LIMK2: variants seen among roughly 807,000 people sequenced by gnomAD.
The protein encoded by LIMK2 is LIM domain kinase 2.
A neutral mutation model predicts 75.7 loss-of-function variants in LIMK2; 35 were observed. That is an observed-to-expected ratio of 0.46 (90% CI 0.35 to 0.61). The LOEUF (loss-of-function observed/expected upper bound fraction) is 0.61. Ranked by LOEUF, LIMK2 falls within the 20% of genes least tolerant of loss-of-function variation. The pLI is 0.00. For missense variants in LIMK2, 623 were observed against 831.0 expected, an observed-to-expected ratio of 0.75 and a Z score of 3.08; for synonymous variants, 301 against 319.2, an observed-to-expected ratio of 0.94 and a Z score of 0.61.
chr22:31,232,631 G>A (rs181912442), intron 2 of LIMK2, among the ~76,000 whole-genome samples: 1 of 152,208 alleles, frequency 6.6e-6, no homozygotes, highest in African/African-American at 2.4e-5. Context: ...TTATTTTTGA[G>A]ATAGGTCTTG....
chr22:31,269,859 G>A (rs934950468), intron 11 of LIMK2, among the ~76,000 whole-genome samples: 2 of 152,118 alleles, frequency 1.3e-5, no homozygotes, highest in African/African-American at 4.8e-5. Flanking sequence ...TGCATAGGGG[G>A]CTAATGAAAC....
intron 12 of LIMK2, 129 bp downstream of exon 12, chr22:31,271,330 T>G: frequency 1.4e-6 from 1 of 740,518 alleles, no homozygotes. Context: ...TATCTTTCCC[T>G]TCCTGCTTCT....
intron 2 of LIMK2, chr22:31,248,519 G>A (rs745450450): frequency 1.3e-6 from 2 of 1,573,204 alleles, no homozygotes; most frequent in Non-Finnish European, 1.7e-6. Flanking sequence ...AGCCCCTGTG[G>A]GAATCTGCTG....
chr22:31,212,368 G>GT lies in LIMK2; in HGVS notation c.-40dup, dbSNP rs2048353769. 7.5e-7 allele frequency: 1 copy of GT among 1,333,476 alleles called. No homozygotes were observed. The highest frequency in any genetic ancestry group is 1.5e-5 in the African/African-American group (1 of 66,788). 82.6% of individuals were successfully genotyped at this position (1,333,476 alleles called of 1,614,324 possible). ...GTAGGGAACTGAGGGGAGCTGCTGT[G>GT]TCCCCCGCCTCCTCCTCCCCATTTC... On this transcript the variant is annotated 5_prime_UTR_variant, in exon 1 of 16. Transcript: ENST00000331728.
chr22:31,276,796 C>T (rs779186715), intron 15 of LIMK2: 79 of 1,609,234 alleles, frequency 4.9e-5, no homozygotes, highest in Admixed American at 1.3e-4. Flanking sequence ...CAGAGCCCCC[C>T]CCGGGGCCGC....
intron 2 of LIMK2, among the ~76,000 whole-genome samples, chr22:31,245,056 G>A (rs2048656066): frequency 6.6e-6 from 1 of 152,204 alleles, no homozygotes; most frequent in Non-Finnish European, 1.5e-5. Context: ...TACAAGTAGT[G>A]CTGCAAGCAA....
intron 2 of LIMK2, among the ~76,000 whole-genome samples, chr22:31,256,785 A>G (rs1236940338): frequency 1.3e-5 from 2 of 152,160 alleles, no homozygotes; most frequent in Admixed American, 6.5e-5. Context: ...AAACCAAGCA[A>G]TGTTCAAACC....
At chr22:31,214,736 G>A (rs1356832640) in intron 1 of LIMK2, among the ~76,000 whole-genome samples, 2 of 152,174 alleles carry the variant, frequency 1.3e-5, no homozygotes, top group East Asian at 3.8e-4. Flanking sequence ...AGGCCCTAGG[G>A]TAGGAAGGCA....
chr22:31,269,380 G>A (rs375373213), intron 11 of LIMK2, among the ~76,000 whole-genome samples: 3 of 140,118 alleles, frequency 2.1e-5, no homozygotes, highest in Admixed American at 8.1e-5. Flanking sequence ...CTCCTGCCTC[G>A]CCCTCCCAAA....
At chr22:31,244,345 G>T (rs1177782919) in intron 2 of LIMK2, among the ~76,000 whole-genome samples, 1 of 152,234 alleles carries the variant, frequency 6.6e-6, no homozygotes, top group Non-Finnish European at 1.5e-5. Flanking sequence ...GCTAGTCCCA[G>T]ACTTAATTTG....
At chr22:31,213,631 G>C (rs573887332) in intron 1 of LIMK2, among the ~76,000 whole-genome samples, 1 of 152,114 alleles carries the variant, frequency 6.6e-6, no homozygotes, top group African/African-American at 2.4e-5. Flanking sequence ...TAGGCTGGGC[G>C]TGGTGGCTCA....
intron 15 of LIMK2, chr22:31,277,624 T>A (rs558265534): frequency 8.2e-5 from 68 of 826,380 alleles, no homozygotes; most frequent in East Asian, 6.2e-4. Flanking sequence ...TATTAAAAAA[T>A]ATATATATAC....
chr22:31,272,184 C>T (rs1438845652), intron 12 of LIMK2, among the ~76,000 whole-genome samples: 3 of 152,158 alleles, frequency 2.0e-5, no homozygotes, highest in African/African-American at 4.8e-5. Context: ...CTTCAGCCTC[C>T]CAAGTAGCTA....
intron 2 of LIMK2, among the ~76,000 whole-genome samples, chr22:31,246,662 A>T (rs1484912152): frequency 2.0e-5 from 3 of 151,066 alleles, no homozygotes; most frequent in African/African-American, 7.3e-5. Context: ...CTGAGGTGAG[A>T]GGATCACTTG....
intron 2 of LIMK2, among the ~76,000 whole-genome samples, chr22:31,228,417 C>T (rs2048497460): frequency 6.6e-6 from 1 of 151,678 alleles, no homozygotes; most frequent in South Asian, 2.1e-4. Context: ...GAAACTCCAT[C>T]GCAAAAAAAC....
chr22:31,276,834 TGAG>T, intron 15 of LIMK2: 2 of 1,611,766 alleles, frequency 1.2e-6, no homozygotes. Context: ...GCGCGGATGA[TGAG>T]GGCCCAGTGA....
At position 31,225,975 on chromosome 22, in the gene LIMK2, C is replaced by T. The variant is rs181922336; in HGVS notation, c.116+156C>T. Among the ~76,000 whole-genome samples the T allele has an allele frequency of 3.7e-3, 563 of 152,274 alleles. 5 individuals are homozygous for T. Among genetic ancestry groups the T allele is most frequent in the African/African-American group, 0.013 (554 of 41,546 alleles). ...CAAGGAAGAGCTCATGACCAAACCT[C>T]AAGTGTGGCCCCCCTGAACCCAGGT... On this transcript the variant is annotated intron_variant, in intron 2 of 15. Coordinates refer to ENST00000331728, the MANE Select transcript of LIMK2 (RefSeq NM_005569.4).
intron 2 of LIMK2, chr22:31,248,693 C>G (rs2048694833): frequency 6.2e-7 from 1 of 1,614,170 alleles, no homozygotes; most frequent in African/African-American, 1.3e-5. Context: ...GCAGCTGAGC[C>G]TGTCTATCTG....
At chr22:31,276,166 C>T (rs1456123908) in intron 15 of LIMK2, among the ~76,000 whole-genome samples, 2 of 152,196 alleles carry the variant, frequency 1.3e-5, no homozygotes, top group Non-Finnish European at 2.9e-5. Context: ...AACCCAGGGG[C>T]GGAGGTTGCA....
Sources: gnomAD v4.1 joint callset for allele counts (sites outside exome capture counted in the v4.1 genomes callset) on GRCh38, gnomAD v4.1.1 for gene constraint, MANE v1.5 for transcripts, NCBI Gene and HGNC (gene_info 2026-07-23, HGNC 2026-07-21) for gene names.